ZFYVE28: variants seen among roughly 807,000 people sequenced by gnomAD.
ZFYVE28 encodes zinc finger FYVE-type containing 28.
In ZFYVE28, 40 loss-of-function variants were observed where a neutral mutation model predicts 82.1. That is an observed-to-expected ratio of 0.49 (90% CI 0.38 to 0.63). ZFYVE28 has a LOEUF of 0.63. ZFYVE28 is among the 30% of genes least tolerant of loss of function. The pLI is 0.00. For synonymous variants in ZFYVE28, 612 were observed against 546.1 expected (o/e 1.12, Z -1.68); for missense variants, 1,321 against 1,242.1 (o/e 1.06, Z -0.96).
chr4:2,269,617 A>G lies in ZFYVE28; in HGVS notation c.*1108T>C, dbSNP rs1429137557. 6.6e-6 allele frequency: 1 copy of G among 152,238 alleles called. No homozygotes were observed. Among genetic ancestry groups the G allele is most frequent in the Non-Finnish European group, 1.5e-5 (1 of 68,040 alleles). The allele number at this position is 152,238 out of a possible 1,614,324, so 9.4% of individuals were successfully genotyped here. ...GCGTCTGCAATCCTTAAATAGATTT[A>G]TGGAAATGGCTTCAAATTACAGCAT... On this transcript the variant is annotated 3_prime_UTR_variant, in exon 13 of 13. Coordinates refer to ENST00000290974, the MANE Select transcript of ZFYVE28 (RefSeq NM_020972.3).
rs1007490845 is a variant in ZFYVE28, at chr4:2,273,368, A to G, written c.2207-79T>C. 2.4e-6 allele frequency: 3 copies of G among 1,250,364 alleles called. No individual in the cohort carries two copies. In the South Asian group the frequency reaches 4.0e-5, roughly 17 times the overall value. The allele number at this position is 1,250,364 out of a possible 1,614,324, so 77.5% of individuals were successfully genotyped here. A position where few individuals can be genotyped will look rare whatever the true frequency, so the allele number is the denominator to read the frequency against. ...CGGAGGTCGGTGCTGCGGGCTGGGC[A>G]GACCCAGCCAGAGCTCACAGCCCAG... On this transcript the variant is annotated intron_variant, in intron 9 of 12. Coordinates refer to ENST00000290974, the MANE Select transcript of ZFYVE28 (RefSeq NM_020972.3).
intron 1 of ZFYVE28, among the ~76,000 whole-genome samples, chr4:2,398,769 GTGGCAGGGGCAAGATCCAGGGCACAAGT>G (rs879592403): frequency 0.36 from 1,733 of 4,778 alleles, 786 homozygotes; most frequent in African/African-American, 0.51. Context: ...CACAAGGTCA[GTGGCAGGGGCAAGATCCAGGGCACAAGT>G]GTGGAGCTGA....
chr4:2,386,727 G>A (rs1729293793), intron 1 of ZFYVE28, among the ~76,000 whole-genome samples: 1 of 152,238 alleles, frequency 6.6e-6, no homozygotes, highest in Non-Finnish European at 1.5e-5. Flanking sequence ...TCAGCCTCCA[G>A]GACTGTAAGA....
At position 2,394,822 on chromosome 4, in the gene ZFYVE28, C is replaced by T. The variant is rs1159181264; in HGVS notation, c.39+23463G>A. 6.6e-6 allele frequency among the ~76,000 whole-genome samples: 1 copy of T among 152,264 alleles called. No homozygotes were observed. The highest frequency in any genetic ancestry group is 2.4e-5 in the African/African-American group (1 of 41,470). On this transcript the variant is annotated intron_variant, in intron 1 of 12. Transcript: ENST00000290974. This position sits in a 1 kb window ranked among gnomAD's most constrained non-coding sequence, Gnocchi z 4.0. ...CTTGCAGCAACCCTGGTGCCAGCGG[C>T]AGATGCCAGCACCCAGCACAGTGGG...
At position 2,339,366 on chromosome 4, in the gene ZFYVE28, G is replaced by A. The variant is rs1722377329; in HGVS notation, c.521+87C>T. 9.0e-6 allele frequency: 13 copies of A among 1,451,378 alleles called. No individual in the cohort carries two copies. The South Asian group carries it at 1.7e-4, about 19-fold the overall frequency. The allele number at this position is 1,451,378 out of a possible 1,614,324, so 89.9% of individuals were successfully genotyped here. ...GCTCCTCCCTCTGTGGAATTTTCCA[G>A]CTTGAAGTATCAGGGTGAGCCCCGG... On this transcript the variant is annotated intron_variant, in intron 4 of 12. Coordinates refer to ENST00000290974, the MANE Select transcript of ZFYVE28 (RefSeq NM_020972.3). This position sits in a 1 kb window ranked among gnomAD's most constrained non-coding sequence, Gnocchi z 5.0.
At chr4:2,274,241 G>A in intron 8 of ZFYVE28, 25 bp from the exon 9 acceptor site, 2 of 1,604,558 alleles carry the variant, frequency 1.2e-6, no homozygotes, top group South Asian at 2.2e-5. Flanking sequence ...AGATACCGGT[G>A]TGTGGGGTGG....
chr4:2,370,023 G>A (rs1301377811), intron 1 of ZFYVE28, among the ~76,000 whole-genome samples: 2 of 151,248 alleles, frequency 1.3e-5, no homozygotes, highest in African/African-American at 4.9e-5. Context: ...ACTAATTTTT[G>A]TACTCTTAAT....
rs1715420405 is a variant in ZFYVE28, at chr4:2,300,943, C to T, written c.2051+3346G>A. 6.6e-6 allele frequency among the ~76,000 whole-genome samples: 1 copy of T among 152,186 alleles called. No individual in the cohort carries two copies. The highest frequency in any genetic ancestry group is 1.5e-5 in the Non-Finnish European group (1 of 68,040). ...CTGAGGCAAATACCACCCTCTCCGT[C>T]TCAGTCTCTCCCACTGCAGAATGGG... is the stretch of plus-strand genomic sequence containing the variant. On this transcript the variant is annotated intron_variant, in intron 8 of 12. Transcript: ENST00000290974. The surrounding 1 kb of genome is among the most constrained non-coding windows in gnomAD (Gnocchi z 4.6).
At chr4:2,271,179 A>T (rs1035874801) in intron 12 of ZFYVE28, 132 bp downstream of exon 12, 76 of 931,226 alleles carry the variant, frequency 8.2e-5, no homozygotes, top group Non-Finnish European at 1.2e-4. Context: ...CGGGACCTCC[A>T]GGGGCCTCTG....
intron 10 of ZFYVE28, among the ~76,000 whole-genome samples, chr4:2,272,427 A>AC (rs1180100748): frequency 6.6e-6 from 1 of 152,098 alleles, no homozygotes; most frequent in African/African-American, 2.4e-5. Flanking sequence ...TCCTACAGGG[A>AC]CCGAGGGCCA....
chr4:2,404,246 C>T (rs552299303), intron 1 of ZFYVE28, among the ~76,000 whole-genome samples: 99 of 135,714 alleles, frequency 7.3e-4, no homozygotes, highest in Admixed American at 7.1e-4. Flanking sequence ...GGCATGAACC[C>T]GGGAGGCGGA....
chr4:2,306,339 C>T (rs1388334132), intron 7 of ZFYVE28, among the ~76,000 whole-genome samples: 2 of 152,230 alleles, frequency 1.3e-5, no homozygotes, highest in Non-Finnish European at 2.9e-5. Context: ...TGAGGAAGTG[C>T]GCTTTGCAGA....
At chr4:2,346,166 A>G (rs1232667791) in intron 2 of ZFYVE28, among the ~76,000 whole-genome samples, 339 of 7,732 alleles carry the variant, frequency 0.044, 8 homozygotes, top group East Asian at 0.4. Flanking sequence ...GTCTCTACTA[A>G]AAAAAAAAAA....
At chr4:2,384,156 C>A (rs1160415201) in intron 1 of ZFYVE28, among the ~76,000 whole-genome samples, 1 of 152,158 alleles carries the variant, frequency 6.6e-6, no homozygotes, top group Admixed American at 6.5e-5. Flanking sequence ...AAGAGGCCCC[C>A]GGGACTGTCA....
intron 6 of ZFYVE28, chr4:2,324,651 G>T: frequency 5.6e-6 from 1 of 178,752 alleles, no homozygotes; most frequent in South Asian, 1.3e-4. Flanking sequence ...AGAGGAACCT[G>T]TGTATAGCTG....
chr4:2,300,414 A>C lies in ZFYVE28; in HGVS notation c.2051+3875T>G, dbSNP rs549741122. Among the ~76,000 whole-genome samples the C allele has an allele frequency of 6.6e-6, 1 of 152,198 alleles. No individual in the cohort carries two copies. Among genetic ancestry groups the C allele is most frequent in the Non-Finnish European group, 1.5e-5 (1 of 68,024 alleles). On this transcript the variant is annotated intron_variant, in intron 8 of 12. Coordinates refer to ENST00000290974, the MANE Select transcript of ZFYVE28 (RefSeq NM_020972.3). The surrounding 1 kb of genome is among the most constrained non-coding windows in gnomAD (Gnocchi z 4.6). ...GAGAAGGTCGGAAAGAAGCCAGTAAAATGAAAAGAGCTGAAGGGCGTAGGT... is the reference window on the plus strand; with the variant it reads ...GAGAAGGTCGGAAAGAAGCCAGTAACATGAAAAGAGCTGAAGGGCGTAGGT...
intron 8 of ZFYVE28, among the ~76,000 whole-genome samples, chr4:2,281,874 G>A (rs192770285): frequency 6.6e-6 from 1 of 152,190 alleles, no homozygotes; most frequent in Non-Finnish European, 1.5e-5. Flanking sequence ...CAAGTCTAGT[G>A]GGGGAGCCAC....
chr4:2,330,604 A>G, intron 6 of ZFYVE28: 1 of 1,294,238 alleles, frequency 7.7e-7, no homozygotes, highest in Non-Finnish European at 9.9e-7. Flanking sequence ...TAGAGGAGGG[A>G]ACAGCATAGA....
Position 2,270,781 on chromosome 4 carries a change from T to C in ZFYVE28, c.2608A>G (p.Thr870Ala). The C allele has an allele frequency of 6.2e-7, 1 of 1,613,162 alleles. No individual in the cohort carries two copies. Among genetic ancestry groups the C allele is most frequent in the Non-Finnish European group, 8.5e-7 (1 of 1,179,912 alleles). ...GTGACATGGAACATGTAGCAGTGGG[T>C]GCACACTCGGACCGGCTTCACCTGC... is the stretch of plus-strand genomic sequence containing the variant. ...YGQVKPVRVC[T>A]HCYMFHVTPF... The change falls in exon 13 of 13, where the codon ACC (threonine) becomes GCC (alanine). Residue 870 changes from threonine to alanine, a missense_variant. By Grantham distance (58) the Thr-to-Ala change is moderately conservative. This residue lies in a region of ZFYVE28 where 978 missense variants were observed against 833.7 expected (regional missense o/e 1.17). Transcript: ENST00000290974.
Sources: allele counts gnomAD v4.1 joint callset (sites outside exome capture counted in the v4.1 genomes callset), GRCh38; gene constraint gnomAD v4.1.1; regional missense constraint gnomAD v4.1.1; non-coding constraint Gnocchi (gnomAD v3.1); transcripts MANE v1.5; gene names NCBI Gene and HGNC (gene_info 2026-07-23, HGNC 2026-07-21).